The following GALNT13 variants were observed in gnomAD, a reference collection of about 807,000 sequenced individuals.
The protein encoded by GALNT13 is polypeptide N-acetylgalactosaminyltransferase 13.
Under a neutral mutation model 64.2 loss-of-function variants are expected in GALNT13, and 28 were observed. The observed-to-expected ratio is 0.44, with a 90% CI of 0.32 to 0.60. The LOEUF (loss-of-function observed/expected upper bound fraction) is 0.60. Among genes scored for constraint, GALNT13 ranks in the 20% least tolerant of loss-of-function variants. The pLI, the probability that GALNT13 is intolerant of heterozygous loss-of-function variation, is 0.05. For synonymous variants in GALNT13, 214 were observed against 224.6 expected, an observed-to-expected ratio of 0.95 and a Z score of 0.42; for missense variants, 577 against 669.8, an observed-to-expected ratio of 0.86 and a Z score of 1.53.
At chr2:153,570,075 G>C in the GALNT13 span, among the ~76,000 whole-genome samples, 1 of 152,118 alleles carries the variant, frequency 6.6e-6, no homozygotes, top group African/African-American at 2.4e-5. Flanking sequence ...GTGTGCAAGT[G>C]TTCCCTTTTC....
At chr2:153,694,139 AT>A in the GALNT13 span, among the ~76,000 whole-genome samples, 8 of 152,232 alleles carry the variant, frequency 5.3e-5, no homozygotes, top group Admixed American at 5.2e-4. Flanking sequence ...CAATCGTGAA[AT>A]TACTGCTATC....
chr2:153,870,086 C>T (rs560679385), upstream of GALNT13, among the ~76,000 whole-genome samples: 82 of 151,970 alleles, frequency 5.4e-4, no homozygotes, highest in Admixed American at 1.6e-3. Flanking sequence ...CTAAACCAAA[C>T]TGAGCTAGCC....
the GALNT13 span, among the ~76,000 whole-genome samples, chr2:153,563,607 A>C: frequency 1.3e-5 from 2 of 152,006 alleles, no homozygotes; most frequent in East Asian, 3.9e-4. Flanking sequence ...TTAATAATAT[A>C]ACTTCTTTGT....
chr2:154,192,945 C>T (rs1197676657), intron 4 of GALNT13, among the ~76,000 whole-genome samples: 1 of 152,080 alleles, frequency 6.6e-6, no homozygotes, highest in Non-Finnish European at 1.5e-5. Context: ...TTGTTGAGTT[C>T]TTTAAATTGG....
upstream of GALNT13, among the ~76,000 whole-genome samples, chr2:153,870,053 GT>G (rs1685826781): frequency 6.6e-6 from 1 of 151,888 alleles, no homozygotes; most frequent in South Asian, 2.1e-4. Flanking sequence ...CACCAGACAA[GT>G]GAGTGAAGCC....
At chr2:154,019,618 A>G (rs1422958831) in intron 3 of GALNT13, among the ~76,000 whole-genome samples, 2 of 145,994 alleles carry the variant, frequency 1.4e-5, no homozygotes, top group African/African-American at 4.9e-5. Flanking sequence ...ACACACACAC[A>G]CACACACACA....
At chr2:153,564,244 G>T in the GALNT13 span, among the ~76,000 whole-genome samples, 7 of 151,856 alleles carry the variant, frequency 4.6e-5, no homozygotes, top group Non-Finnish European at 8.8e-5. Context: ...GCATTGAAGA[G>T]ATTTTAAAAG....
intron 3 of GALNT13, among the ~76,000 whole-genome samples, chr2:154,129,777 T>A (rs1682504755): frequency 6.6e-6 from 1 of 152,144 alleles, no homozygotes; most frequent in Non-Finnish European, 1.5e-5. Flanking sequence ...TACTCAAACA[T>A]TTTTAATTGA....
chr2:154,025,929 G>T (rs1697926700), intron 3 of GALNT13, among the ~76,000 whole-genome samples: 1 of 152,168 alleles, frequency 6.6e-6, no homozygotes, highest in South Asian at 2.1e-4. Flanking sequence ...AAATAAATTA[G>T]AAAGGCAGGC....
the GALNT13 span, among the ~76,000 whole-genome samples, chr2:153,828,654 C>T: frequency 6.6e-6 from 1 of 152,168 alleles, no homozygotes; most frequent in African/African-American, 2.4e-5. Context: ...CTGTGAAGAG[C>T]TCTGATATGC....
At chr2:153,937,141 A>G (rs1000534037) in intron 2 of GALNT13, among the ~76,000 whole-genome samples, 1 of 152,214 alleles carries the variant, frequency 6.6e-6, no homozygotes, top group Non-Finnish European at 1.5e-5. Flanking sequence ...GTATATACCC[A>G]CGAACAATGA....
the GALNT13 span, among the ~76,000 whole-genome samples, chr2:153,521,234 A>C: frequency 6.6e-6 from 1 of 151,860 alleles, no homozygotes; most frequent in African/African-American, 2.4e-5. Flanking sequence ...TTTCATTCTA[A>C]TTAATTTACA....
the GALNT13 span, among the ~76,000 whole-genome samples, chr2:153,649,571 G>A: frequency 0.88 from 123,758 of 140,380 alleles, 54,510 homozygotes; most frequent in East Asian, 0.92. Flanking sequence ...TGTCAATTTT[G>A]GATCTTTCCT....
rs113552086 is a variant in GALNT13 at position 154,361,312 on chromosome 2, C to A, written c.1157-34679C>A. Among the ~76,000 whole-genome samples, 13 of 152,144 alleles carry A rather than the reference C, an allele frequency of 8.5e-5. 1 individual carries two copies. The highest frequency in any genetic ancestry group is 2.6e-4 in the African/African-American group (11 of 41,518). On this transcript the variant is annotated intron_variant, in intron 9 of 12. Transcript: ENST00000392825. ...CCTTCAAGATTGGTATATGTGTAAC[C>A]TAAATTAGTCTCTAGCTCCAATTCT...
chr2:153,886,966 T>C (rs1026648017), intron 1 of GALNT13, among the ~76,000 whole-genome samples: 1 of 152,004 alleles, frequency 6.6e-6, no homozygotes, highest in Admixed American at 6.6e-5. Context: ...AAATGTAGTT[T>C]AAAAATTCTT....
the GALNT13 span, among the ~76,000 whole-genome samples, chr2:153,576,807 T>C: frequency 6.6e-6 from 1 of 152,108 alleles, no homozygotes; most frequent in African/African-American, 2.4e-5. Context: ...AATGGATCCT[T>C]CTTTTCTGAC....
the GALNT13 span, among the ~76,000 whole-genome samples, chr2:153,206,640 G>C: frequency 6.6e-6 from 1 of 152,054 alleles, no homozygotes; most frequent in African/African-American, 2.4e-5. Context: ...TTAGATATAA[G>C]ATTAGAAAGG....
the GALNT13 span, among the ~76,000 whole-genome samples, chr2:153,363,497 T>C: frequency 6.6e-6 from 1 of 151,558 alleles, no homozygotes; most frequent in African/African-American, 2.4e-5. Context: ...GCTTGACTAG[T>C]AAAGAAGAAA....
intron 4 of GALNT13, among the ~76,000 whole-genome samples, chr2:154,180,138 G>A (rs1685874304): frequency 1.3e-5 from 2 of 152,066 alleles, no homozygotes; most frequent in Admixed American, 1.3e-4. Flanking sequence ...GGCATTGTAG[G>A]CATCAGTGCC....
Sources: allele counts gnomAD v4.1 joint callset (sites outside exome capture counted in the v4.1 genomes callset), GRCh38; gene constraint gnomAD v4.1.1; transcripts MANE v1.5; gene names NCBI Gene and HGNC (gene_info 2026-07-23, HGNC 2026-07-21).